The following SMAD4 variants were observed in gnomAD, a reference collection of about 807,000 sequenced individuals.
SMAD4 encodes the protein SMAD family member 4, also known as MAD homolog 4.
Under a neutral mutation model 63.2 loss-of-function variants are expected in SMAD4, and 7 were observed. The ratio of observed to expected loss-of-function variants is 0.11; its 90% confidence interval spans 0.06 to 0.21. The LOEUF is 0.21. Ranked by LOEUF, SMAD4 falls within the 10% of genes least tolerant of loss-of-function variation. The pLI is 1.00. For synonymous variants in SMAD4, 215 were observed against 235.4 expected, an observed-to-expected ratio of 0.91 and a Z score of 0.79; for missense variants, 312 against 693.8, an observed-to-expected ratio of 0.45 and a Z score of 6.18.
At chr18:51,034,421 G>C (rs943379091) in intron 1 of SMAD4, among the ~76,000 whole-genome samples, 1 of 151,730 alleles carries the variant, frequency 6.6e-6, no homozygotes. Flanking sequence ...TAATTTTTTT[G>C]TATTATTAGT....
At chr18:51,058,542 T>G in intron 7 of SMAD4, 86 bp downstream of exon 7, 1 of 890,788 alleles carries the variant, frequency 1.1e-6, no homozygotes, top group Non-Finnish European at 1.8e-6. Context: ...TGTTTTTACA[T>G]CTTTTATTCA....
In SMAD4 at chr18:51,047,009, T is replaced by C. The variant is rs1909563924; in HGVS notation, c.-38T>C. ...AAAGGATCAAAATTGCTTCAGAAAT[T>C]GGAGACATATTTGATTTAAAAGGAA... On this transcript the variant is annotated 5_prime_UTR_variant, in exon 2 of 12. Transcript: ENST00000342988. 1.9e-6 allele frequency: 3 copies of C among 1,598,494 alleles called. No homozygotes were observed. In the South Asian group the frequency reaches 3.3e-5, roughly 18 times the overall value.
At chr18:51,062,851 GTTTT>G (rs71171374) in intron 8 of SMAD4, among the ~76,000 whole-genome samples, 2 of 65,386 alleles carry the variant, frequency 3.1e-5, no homozygotes, top group Admixed American at 2.4e-4. Flanking sequence ...GGCTTTACTT[GTTTT>G]TTTTTTTTTT....
At chr18:51,075,771 A>G (rs1910456013) in intron 10 of SMAD4, among the ~76,000 whole-genome samples, 1 of 152,192 alleles carries the variant, frequency 6.6e-6, no homozygotes, top group Non-Finnish European at 1.5e-5. Flanking sequence ...TTATTTATTA[A>G]CGCCTTAACT....
intron 5 of SMAD4, among the ~76,000 whole-genome samples, chr18:51,057,749 G>A (rs1909881004): frequency 6.6e-6 from 1 of 152,120 alleles, no homozygotes; most frequent in Non-Finnish European, 1.5e-5. Context: ...GGATTTTTGG[G>A]GTCCTAATCA....
chr18:51,073,370 T>TCTTTAGG, intron 10 of SMAD4, among the ~76,000 whole-genome samples: 1 of 75,424 alleles, frequency 1.3e-5, no homozygotes, highest in African/African-American at 5.1e-5. Flanking sequence ...ATTATATATA[T>TCTTTAGG]ATATATATAT....
intron 1 of SMAD4, among the ~76,000 whole-genome samples, chr18:51,035,567 G>A (rs975671615): frequency 5.9e-5 from 9 of 152,082 alleles, no homozygotes; most frequent in African/African-American, 2.2e-4. Flanking sequence ...TCTTCTTAGG[G>A]CGTTAATCTA....
chr18:51,078,662 G>C lies in SMAD4; in HGVS notation c.*195G>C, dbSNP rs1234110198. ...ATTTTTTTTTTCCTCTTCAGAACTT[G>C]TCAGGCATGGCTCAGAGCTTGAAGA... On this transcript the variant is annotated 3_prime_UTR_variant, in exon 12 of 12. Transcript: ENST00000342988. The C allele has an allele frequency of 7.1e-6, 4 of 565,406 alleles. No homozygotes were observed. Among genetic ancestry groups the C allele is most frequent in the Non-Finnish European group, 1.3e-5 (4 of 318,194 alleles). The allele number at this position is 565,406 out of a possible 1,614,324, so 35.0% of individuals were successfully genotyped here.
At chr18:51,037,509 A>G (rs913515858) in intron 1 of SMAD4, among the ~76,000 whole-genome samples, 4 of 152,262 alleles carry the variant, frequency 2.6e-5, no homozygotes, top group Admixed American at 6.5e-5. Context: ...TCAAACACAC[A>G]TAAGCATTTG....
chr18:51,065,086 C>G (rs1031793856), intron 8 of SMAD4, among the ~76,000 whole-genome samples: 1 of 151,982 alleles, frequency 6.6e-6, no homozygotes, highest in Non-Finnish European at 1.5e-5. Flanking sequence ...TATTTCTGTT[C>G]TTTAAATTCT....
chr18:51,051,313 G>C, intron 4 of SMAD4: 1 of 454,824 alleles, frequency 2.2e-6, no homozygotes. Context: ...CCCCCTAGTG[G>C]TGGTTTTGTA....
In SMAD4 at chr18:51,039,251, A is replaced by G. The variant is rs114424661; in HGVS notation, c.-127-7669A>G. Reference sequence around the variant, plus strand: ...TTGTACTATATTGCTGTTATTTCTAAGGACGTTAGTCATTCAGTTTCTGTT... The same window carrying G: ...TTGTACTATATTGCTGTTATTTCTAGGGACGTTAGTCATTCAGTTTCTGTT... On this transcript the variant is annotated intron_variant, in intron 1 of 11. Coordinates refer to ENST00000342988, the MANE Select transcript of SMAD4 (RefSeq NM_005359.6). Among the ~76,000 whole-genome samples, 957 of 152,316 alleles carry G rather than the reference A, an allele frequency of 6.3e-3. 12 individuals are homozygous for G. The highest frequency in any genetic ancestry group is 0.022 in the African/African-American group (917 of 41,558).
intron 10 of SMAD4, 75 bp from the exon 11 acceptor site, chr18:51,076,563 T>G: frequency 7.5e-7 from 1 of 1,326,060 alleles, no homozygotes; most frequent in Non-Finnish European, 1.1e-6. Flanking sequence ...GAGTTTTAAA[T>G]AAGTCAGGCA....
chr18:51,051,916 C>T (rs993753229), intron 4 of SMAD4, among the ~76,000 whole-genome samples: 1 of 152,080 alleles, frequency 6.6e-6, no homozygotes. Flanking sequence ...AAGCGATTCT[C>T]CTGCCTCAGC....
Position 51,080,258 on chromosome 18 carries a change from T to A in SMAD4, c.*1791T>A, listed in dbSNP as rs1910577720. 4.3e-6 allele frequency: 1 copy of A among 232,096 alleles called. No individual in the cohort carries two copies. Among genetic ancestry groups the A allele is most frequent in the South Asian group, 1.8e-4 (1 of 5,522 alleles). The allele number at this position is 232,096 out of a possible 1,614,324, so 14.4% of individuals were successfully genotyped here. On this transcript the variant is annotated 3_prime_UTR_variant, in exon 12 of 12. Transcript: ENST00000342988. ...CTTATTTCTGTGATTTAAACATAGATCTTGATCCAAGCTACATGACTTTTG... is the reference window on the plus strand; with the variant it reads ...CTTATTTCTGTGATTTAAACATAGAACTTGATCCAAGCTACATGACTTTTG...
At chr18:51,069,125 T>C (rs1351947091) in intron 10 of SMAD4, among the ~76,000 whole-genome samples, 2 of 152,152 alleles carry the variant, frequency 1.3e-5, no homozygotes, top group African/African-American at 2.4e-5. Flanking sequence ...GCTGTATTAT[T>C]ATTATTTTTG....
chr18:51,072,011 A>T (rs563422023), intron 10 of SMAD4, among the ~76,000 whole-genome samples: 1 of 152,134 alleles, frequency 6.6e-6, no homozygotes, highest in Non-Finnish European at 1.5e-5. Context: ...TTATCCATTG[A>T]TGGACTTGAT....
intron 1 of SMAD4, among the ~76,000 whole-genome samples, chr18:51,034,970 G>A (rs1164965656): frequency 6.6e-6 from 1 of 152,184 alleles, no homozygotes; most frequent in Admixed American, 6.5e-5. Flanking sequence ...TTAGCCCTCC[G>A]CAGTGATTGA....
intron 1 of SMAD4, among the ~76,000 whole-genome samples, chr18:51,032,998 A>G (rs976737011): frequency 1.3e-5 from 2 of 151,774 alleles, no homozygotes; most frequent in Non-Finnish European, 2.9e-5. Context: ...GTCATTATAT[A>G]TGTTTGGATT....
Sources: gnomAD v4.1 joint callset for allele counts (sites outside exome capture counted in the v4.1 genomes callset) on GRCh38, gnomAD v4.1.1 for gene constraint, MANE v1.5 for transcripts, NCBI Gene and HGNC (gene_info 2026-07-23, HGNC 2026-07-21) for gene names.